Variants in ADAMTS14 observed in about 807,000 individuals in gnomAD.
ADAMTS14 encodes ADAM metallopeptidase with thrombospondin type 1 motif 14, also known as A disintegrin and metalloproteinase with thrombospondin motifs 14.
In ADAMTS14, 100 loss-of-function variants were observed where a neutral mutation model predicts 128.6. The observed-to-expected ratio is 0.78, with a 90% CI of 0.66 to 0.92. The LOEUF (loss-of-function observed/expected upper bound fraction) is 0.92. Among genes scored for constraint, ADAMTS14 ranks in the 40% least tolerant of loss-of-function variants. The pLI, the probability that ADAMTS14 is intolerant of heterozygous loss-of-function variation, is 0.00. For missense variants in ADAMTS14, 1,562 were observed against 1,658.6 expected (o/e 0.94, Z 1.01); for synonymous variants, 665 against 653.8 (o/e 1.02, Z -0.26).
intron 10 of ADAMTS14, among the ~76,000 whole-genome samples, chr10:70,738,549 C>A (rs567455035): frequency 2.0e-5 from 3 of 152,146 alleles, no homozygotes; most frequent in Non-Finnish European, 4.4e-5. Context: ...CCGGGTGTGC[C>A]GATAATTGCA....
chr10:70,687,068 C>A (rs1378984151), intron 2 of ADAMTS14, among the ~76,000 whole-genome samples: 1,036 of 97,990 alleles, frequency 0.011, 1 homozygote, highest in East Asian at 0.036. Flanking sequence ...CTGACCCCCC[C>A]CACCTCCCTC....
At chr10:70,704,796 CAT>C (rs1235254704) in intron 3 of ADAMTS14, among the ~76,000 whole-genome samples, 10 of 152,070 alleles carry the variant, frequency 6.6e-5, no homozygotes, top group African/African-American at 1.9e-4. Flanking sequence ...CACACTCACA[CAT>C]AGACACACAC....
Position 70,757,969 on chromosome 10 carries a change from C to A in ADAMTS14, c.2945C>A (p.Ala982Asp). ...WRLGAWSQCS[A>D]TCGEGIQQRQ... ...CTGACCCACCCACGGCAGTGCTCTG[C>A]CACCTGTGGAGAGGGCATCCAGCAG... Residue 982 changes from alanine to aspartate, a missense_variant, in exon 20 of 22, where the codon GCC becomes GAC. Physicochemically the swap from Ala to Asp is moderately radical, Grantham distance 126. Transcript: ENST00000373207. 6.2e-7 allele frequency: 1 copy of A among 1,610,016 alleles called. No homozygotes were observed. Among genetic ancestry groups the A allele is most frequent in the Non-Finnish European group, 8.5e-7 (1 of 1,178,468 alleles).
At chr10:70,683,151 T>C (rs939045823) in intron 2 of ADAMTS14, among the ~76,000 whole-genome samples, 1 of 152,206 alleles carries the variant, frequency 6.6e-6, no homozygotes, top group Non-Finnish European at 1.5e-5. Context: ...CCCCCCTGCA[T>C]GTGCTCACGT....
chr10:70,729,290 G>A lies in ADAMTS14; in HGVS notation c.871-4G>A. 6.2e-7 allele frequency: 1 copy of A among 1,611,410 alleles called. No individual in the cohort carries two copies. Among genetic ancestry groups the A allele is most frequent in the Non-Finnish European group, 8.5e-7 (1 of 1,177,658 alleles). ...TTCCCTTAAACTGTATTTTCTTCTTGCAGGTAGATGAGATTTACCACGATG... is the reference window on the plus strand; with the variant it reads ...TTCCCTTAAACTGTATTTTCTTCTTACAGGTAGATGAGATTTACCACGATG... On this transcript the variant is annotated splice_region_variant and splice_polypyrimidine_tract_variant and intron_variant, in intron 4 of 21. Transcript: ENST00000373207.
intron 2 of ADAMTS14, among the ~76,000 whole-genome samples, chr10:70,697,392 C>G (rs1363554192): frequency 6.6e-6 from 1 of 152,236 alleles, no homozygotes; most frequent in African/African-American, 2.4e-5. Flanking sequence ...GACCCCAGGC[C>G]AGGTCCTTGC....
At chr10:70,729,739 G>C (rs975580318) in intron 5 of ADAMTS14, among the ~76,000 whole-genome samples, 3 of 152,132 alleles carry the variant, frequency 2.0e-5, no homozygotes, top group African/African-American at 7.2e-5. Flanking sequence ...ATTAAATGGG[G>C]GTAGCCACCA....
chr10:70,692,460 G>A (rs977040612), intron 2 of ADAMTS14, among the ~76,000 whole-genome samples: 2 of 152,184 alleles, frequency 1.3e-5, no homozygotes, highest in Non-Finnish European at 2.9e-5. Flanking sequence ...TCCCTCCCCA[G>A]CGAAGCCTCT....
intron 3 of ADAMTS14, among the ~76,000 whole-genome samples, chr10:70,706,970 T>C (rs535778236): frequency 1.3e-5 from 2 of 152,216 alleles, no homozygotes; most frequent in South Asian, 2.1e-4. Context: ...AAATAAACAA[T>C]CACAATGGAT....
intron 7 of ADAMTS14, 103 bp from the exon 8 acceptor site, chr10:70,733,781 TC>T: frequency 7.1e-7 from 1 of 1,411,786 alleles, no homozygotes; most frequent in Non-Finnish European, 9.6e-7. Context: ...CGATCTGAGC[TC>T]CGGGTCAGGT....
chr10:70,692,065 G>A (rs892746365), intron 2 of ADAMTS14, among the ~76,000 whole-genome samples: 1 of 151,930 alleles, frequency 6.6e-6, no homozygotes, highest in Non-Finnish European at 1.5e-5. Context: ...TCACCCAGCA[G>A]CTTCCAGAAT....
chr10:70,744,801 G>A (rs545190044), intron 14 of ADAMTS14, among the ~76,000 whole-genome samples: 4 of 152,248 alleles, frequency 2.6e-5, no homozygotes, highest in East Asian at 1.9e-4. Flanking sequence ...GCCTTGGGTC[G>A]GGAGGGCCAG....
intron 15 of ADAMTS14, among the ~76,000 whole-genome samples, chr10:70,748,153 G>A (rs547813549): frequency 4.6e-5 from 7 of 152,258 alleles, no homozygotes; most frequent in African/African-American, 1.2e-4. Context: ...TTGTTTTCCC[G>A]CTTTGCAGTT....
chr10:70,701,480 A>G (rs1254852967), intron 2 of ADAMTS14, among the ~76,000 whole-genome samples: 20 of 152,312 alleles, frequency 1.3e-4, no homozygotes. Flanking sequence ...GTAGGATGAC[A>G]TGGTGTGTGT....
chr10:70,734,136 C>T lies in ADAMTS14; in HGVS notation c.1352+108C>T. 3 of 1,419,398 alleles carry T rather than the reference C, an allele frequency of 2.1e-6. No individual in the cohort carries two copies. In the South Asian group the frequency reaches 4.0e-5, roughly 19 times the overall value. The allele number at this position is 1,419,398 out of a possible 1,614,324, so 87.9% of individuals were successfully genotyped here. A position where few individuals can be genotyped will look rare whatever the true frequency, so the allele number is the denominator to read the frequency against. On this transcript the variant is annotated intron_variant, in intron 8 of 21. Transcript: ENST00000373207. ...TCCCCACGTTGCCCCTGGCTTGACT[C>T]TTCCGTGACTCATCTCGCCTCCCCG...
chr10:70,716,841 C>T (rs556309748), intron 4 of ADAMTS14, among the ~76,000 whole-genome samples: 1 of 152,266 alleles, frequency 6.6e-6, no homozygotes, highest in East Asian at 1.9e-4. Context: ...AGGCCCTGGG[C>T]ACTGCTGTCA....
chr10:70,731,330 C>T (rs1224399528), intron 6 of ADAMTS14, among the ~76,000 whole-genome samples: 1 of 152,164 alleles, frequency 6.6e-6, no homozygotes, highest in African/African-American at 2.4e-5. Flanking sequence ...TCTCAGCCTT[C>T]CAGGACAACA....
intron 4 of ADAMTS14, among the ~76,000 whole-genome samples, chr10:70,724,654 G>C (rs1210282065): frequency 1.3e-5 from 2 of 152,220 alleles, no homozygotes; most frequent in Non-Finnish European, 2.9e-5. Flanking sequence ...GTCTCAGGCA[G>C]CTTGAGCCAA....
chr10:70,743,506 C>G, intron 12 of ADAMTS14, 42 bp from the exon 13 acceptor site: 1 of 1,595,542 alleles, frequency 6.3e-7, no homozygotes, highest in South Asian at 1.1e-5. Flanking sequence ...GCCACTTTCT[C>G]TGAGCCCAGC....
Sources: allele counts gnomAD v4.1 joint callset (sites outside exome capture counted in the v4.1 genomes callset), GRCh38; gene constraint gnomAD v4.1.1; transcripts MANE v1.5; gene names NCBI Gene and HGNC (gene_info 2026-07-23, HGNC 2026-07-21).